Variants in ARHGAP24 observed in about 807,000 individuals in gnomAD.
ARHGAP24 encodes the protein Rho GTPase activating protein 24, also known as rho GTPase-activating protein 24.
ARHGAP24 carries 50 observed loss-of-function variants against 76.4 expected under a neutral mutation model. That is an observed-to-expected ratio of 0.65 (90% CI 0.52 to 0.83). The LOEUF (loss-of-function observed/expected upper bound fraction) is 0.83. ARHGAP24 is among the 40% of genes least tolerant of loss of function. ARHGAP24 has a pLI of 0.00. For missense variants in ARHGAP24, 930 were observed against 914.2 expected, an observed-to-expected ratio of 1.02 and a Z score of -0.22; for synonymous variants, 345 against 323.3, an observed-to-expected ratio of 1.07 and a Z score of -0.72.
chr4:85,526,410 A>G (rs1287343148), intron 1 of ARHGAP24, among the ~76,000 whole-genome samples: 1 of 151,858 alleles, frequency 6.6e-6, no homozygotes, highest in Non-Finnish European at 1.5e-5. Flanking sequence ...AAAAAAAAAA[A>G]AAGAAACAAC....
chr4:85,487,370 T>TATATATTTATATATATTATATAAAC (rs1723116174), intron 1 of ARHGAP24, among the ~76,000 whole-genome samples: 1 of 114,610 alleles, frequency 8.7e-6, no homozygotes, highest in Non-Finnish European at 1.6e-5. Flanking sequence ...AATATATAAA[T>TATATATTTATATATATTATATAAAC]ATATATTTAT....
At chr4:85,519,550 T>C (rs190546228) in intron 1 of ARHGAP24, among the ~76,000 whole-genome samples, 92 of 152,248 alleles carry the variant, frequency 6.0e-4, no homozygotes, top group African/African-American at 2.2e-3. Flanking sequence ...CATTTATAAT[T>C]TTATTGGAGA....
In ARHGAP24 at chr4:85,995,465, C is replaced by T. The variant is rs771805265; in HGVS notation, c.1811C>T (p.Pro604Leu). The T allele has an allele frequency of 1.6e-5, 25 of 1,603,904 alleles. No homozygotes were observed. The highest frequency in any genetic ancestry group is 3.4e-5 in the Admixed American group (2 of 59,486). The part of the protein sequence containing the change: ...DGPPQDDLSH[P>L]RDYESKSDHR... ...CCCCCGCAGGACGACCTTTCCCACC[C>T]CAGGGACTATGAAAGCAAAAGTGAC... The change falls in exon 9 of 10, where the codon CCC becomes CTC. Residue 604 changes from proline (P) to leucine (L), a missense_variant. Pro to Leu is a moderately conservative substitution (Grantham distance 98). Coordinates refer to ENST00000395184, the MANE Select transcript of ARHGAP24 (RefSeq NM_001025616.3).
rs1012811943 is a variant in ARHGAP24, at chr4:85,994,446, T to C, written c.929-137T>C. ...GATGTTTTAGCTTCTATTGCTATTA[T>C]CATAGTTAAGAATATGGTTTGGTAC... On this transcript the variant is annotated intron_variant, in intron 8 of 9. Coordinates refer to ENST00000395184, the MANE Select transcript of ARHGAP24 (RefSeq NM_001025616.3). 3.1e-4 allele frequency: 275 copies of C among 887,420 alleles called. 1 individual carries two copies. The highest frequency in any genetic ancestry group is 4.6e-4 in the Admixed American group (24 of 52,518). The allele number at this position is 887,420 out of a possible 1,614,324, so 55.0% of individuals were successfully genotyped here.
intron 2 of ARHGAP24, among the ~76,000 whole-genome samples, chr4:85,627,408 G>T (rs551845071): frequency 6.6e-6 from 1 of 152,232 alleles, no homozygotes; most frequent in East Asian, 1.9e-4. Context: ...AACCTCAAAT[G>T]CTGTTGCCTG....
Position 85,995,270 on chromosome 4 carries a change from T to C in ARHGAP24, c.1616T>C (p.Phe539Ser). 1 of 1,613,936 alleles carries C rather than the reference T, an allele frequency of 6.2e-7. No homozygotes were observed. The highest frequency in any genetic ancestry group is 8.5e-7 in the Non-Finnish European group (1 of 1,180,014). Residue 539 changes from phenylalanine to serine, a missense_variant, in exon 9 of 10, where the codon TTC becomes TCC. Transcript: ENST00000395184. ...LSTYDNVHQQ[F>S]SMMNLDDKQS... ...ACCTATGATAATGTCCATCAACAGT[T>C]CTCCATGATGAACCTTGATGACAAG...
At chr4:85,689,964 A>G (rs1349627567) in intron 2 of ARHGAP24, among the ~76,000 whole-genome samples, 5 of 152,136 alleles carry the variant, frequency 3.3e-5, no homozygotes, top group Admixed American at 6.5e-5. Flanking sequence ...GAATGATTCT[A>G]GCTTTTGCCC....
At chr4:85,809,023 T>C (rs572266932) in intron 3 of ARHGAP24, among the ~76,000 whole-genome samples, 1 of 152,162 alleles carries the variant, frequency 6.6e-6, no homozygotes, top group Non-Finnish European at 1.5e-5. Context: ...TTAAAGTAAG[T>C]ACCTGTCATA....
intron 1 of ARHGAP24, among the ~76,000 whole-genome samples, chr4:85,555,956 C>T (rs1726343684): frequency 1.3e-5 from 2 of 152,126 alleles, no homozygotes; most frequent in African/African-American, 4.8e-5. Flanking sequence ...AGTCTTTGCT[C>T]CTTTTCCAGT....
At chr4:85,839,587 A>G (rs1381002248) in intron 3 of ARHGAP24, among the ~76,000 whole-genome samples, 1 of 151,818 alleles carries the variant, frequency 6.6e-6, no homozygotes, top group African/African-American at 2.4e-5. Flanking sequence ...AGTAGCTGGG[A>G]CTACAGGCAC....
At position 85,719,338 on chromosome 4, in the gene ARHGAP24, A is replaced by G. The variant is rs1039375441; in HGVS notation, c.181-2547A>G. On this transcript the variant is annotated intron_variant, in intron 2 of 9. Coordinates refer to ENST00000395184, the MANE Select transcript of ARHGAP24 (RefSeq NM_001025616.3). The stretch of plus-strand genomic sequence containing the variant: ...GAAAAGGTACTTCCTGGAGGAGGAG[A>G]ACAAAGGCAATTCCTCCAACACCTC... Among the ~76,000 whole-genome samples the G allele has an allele frequency of 3.3e-5, 5 of 152,240 alleles. No homozygotes were observed. The South Asian group carries it at 1.0e-3, about 32-fold the overall frequency.
chr4:85,510,792 C>T (rs1724250834), intron 1 of ARHGAP24, among the ~76,000 whole-genome samples: 2 of 143,976 alleles, frequency 1.4e-5, no homozygotes, highest in South Asian at 2.4e-4. Context: ...CCTCCTCTAG[C>T]CCCTCCCCTT....
intron 2 of ARHGAP24, among the ~76,000 whole-genome samples, chr4:85,615,963 G>A (rs1312128353): frequency 1.3e-5 from 2 of 152,086 alleles, no homozygotes; most frequent in Non-Finnish European, 2.9e-5. Flanking sequence ...CAACATCTTT[G>A]GCTGGTTTTG....
intron 1 of ARHGAP24, among the ~76,000 whole-genome samples, chr4:85,486,298 C>T (rs1408677563): frequency 6.6e-6 from 1 of 151,754 alleles, no homozygotes; most frequent in Non-Finnish European, 1.5e-5. Context: ...TTTATCTTGA[C>T]AATGACTGGA....
intron 3 of ARHGAP24, among the ~76,000 whole-genome samples, chr4:85,819,361 G>T (rs779957509): frequency 1.3e-5 from 2 of 152,068 alleles, no homozygotes; most frequent in Non-Finnish European, 2.9e-5. Flanking sequence ...TGACAGTTAA[G>T]AAAATTGAAA....
chr4:85,605,831 T>TAACAACAAAAGAA (rs2109991398), intron 2 of ARHGAP24, among the ~76,000 whole-genome samples: 1 of 152,298 alleles, frequency 6.6e-6, no homozygotes, highest in African/African-American at 2.4e-5. Flanking sequence ...TATGTGTTGT[T>TAACAACAAAAGAA]TAGCAACAAC....
intron 3 of ARHGAP24, among the ~76,000 whole-genome samples, chr4:85,783,470 CT>C (rs879362490): frequency 2.9e-3 from 414 of 144,764 alleles, no homozygotes; most frequent in Middle Eastern, 7.2e-3. Flanking sequence ...GTCCTGATCA[CT>C]TTTTTTTTTT....
At chr4:85,498,638 G>A (rs978757181) in intron 1 of ARHGAP24, among the ~76,000 whole-genome samples, 1 of 152,196 alleles carries the variant, frequency 6.6e-6, no homozygotes, top group Non-Finnish European at 1.5e-5. Flanking sequence ...GAAGTGAAGA[G>A]ACTAAAGACA....
chr4:85,962,573 T>C (rs1349211806), intron 5 of ARHGAP24, among the ~76,000 whole-genome samples: 1 of 152,044 alleles, frequency 6.6e-6, no homozygotes, highest in African/African-American at 2.4e-5. Context: ...TCTCTTACAG[T>C]GAGTAGGTTA....
Sources: gnomAD v4.1 joint callset for allele counts (sites outside exome capture counted in the v4.1 genomes callset) on GRCh38, gnomAD v4.1.1 for gene constraint, MANE v1.5 for transcripts, NCBI Gene and HGNC (gene_info 2026-07-23, HGNC 2026-07-21) for gene names.